Variants in CSMD1 observed in about 807,000 individuals in gnomAD.
CSMD1 encodes the protein CUB and sushi domain-containing protein 1.
A neutral mutation model predicts 417.5 loss-of-function variants in CSMD1; 213 were observed. The ratio of observed to expected loss-of-function variants is 0.51; its 90% confidence interval spans 0.46 to 0.57. The LOEUF is 0.57. Among genes scored for constraint, CSMD1 ranks in the 20% least tolerant of loss-of-function variants. CSMD1 has a pLI of 0.00. For synonymous variants in CSMD1, 2,862 were observed against 1,736.8 expected (o/e 1.65, Z -16.11); for missense variants, 6,923 against 4,529.7 (o/e 1.53, Z -15.17).
intron 1 of CSMD1, among the ~76,000 whole-genome samples, chr8:4,895,131 CATTTG>C (rs1288247138): frequency 6.6e-6 from 1 of 152,168 alleles, no homozygotes; most frequent in Non-Finnish European, 1.5e-5. Context: ...CTCAAAAATA[CATTTG>C]ATTTACATTC....
chr8:4,157,538 C>G (rs561200149), intron 3 of CSMD1, among the ~76,000 whole-genome samples: 140 of 152,294 alleles, frequency 9.2e-4, no homozygotes, highest in Non-Finnish European at 5.7e-4. Context: ...CTAGCTACCT[C>G]TAGTCAATGA....
intron 2 of CSMD1, among the ~76,000 whole-genome samples, chr8:4,423,909 T>G (rs986738260): frequency 1.3e-4 from 19 of 151,910 alleles, no homozygotes; most frequent in African/African-American, 4.1e-4. Context: ...AACCCAAAAA[T>G]AAACCTGAAC....
At chr8:3,509,608 A>G (rs1327458616) in intron 10 of CSMD1, among the ~76,000 whole-genome samples, 2 of 152,244 alleles carry the variant, frequency 1.3e-5, no homozygotes, top group Non-Finnish European at 2.9e-5. Flanking sequence ...TCTAGTGGAT[A>G]TAACAGATCT....
At chr8:3,617,050 A>T (rs1161055743) in intron 7 of CSMD1, among the ~76,000 whole-genome samples, 1 of 152,182 alleles carries the variant, frequency 6.6e-6, no homozygotes, top group Admixed American at 6.5e-5. Context: ...GTCAAAATTT[A>T]ATAAAAAATC....
intron 2 of CSMD1, among the ~76,000 whole-genome samples, chr8:4,496,859 A>G (rs1354347245): frequency 3.9e-5 from 6 of 152,290 alleles, no homozygotes; most frequent in South Asian, 2.1e-4. Flanking sequence ...AAGGTTTACA[A>G]TATCAGGACA....
chr8:3,561,870 G>T (rs1347851709), intron 10 of CSMD1, among the ~76,000 whole-genome samples: 1 of 152,192 alleles, frequency 6.6e-6, no homozygotes, highest in Admixed American at 6.5e-5. Context: ...GGAAGGCAGG[G>T]GCTAGCATTC....
At chr8:4,180,476 T>A (rs988233770) in intron 3 of CSMD1, among the ~76,000 whole-genome samples, 1 of 150,778 alleles carries the variant, frequency 6.6e-6, no homozygotes. Flanking sequence ...TGCCTAATGC[T>A]AAATGACGAG....
chr8:3,279,697 C>T (rs1343706131), intron 26 of CSMD1, among the ~76,000 whole-genome samples: 1 of 152,024 alleles, frequency 6.6e-6, no homozygotes, highest in African/African-American at 2.4e-5. Flanking sequence ...GCTGGGGAGG[C>T]CTCAGGAAAC....
At chr8:3,766,173 G>A (rs920685557) in intron 5 of CSMD1, among the ~76,000 whole-genome samples, 5 of 152,182 alleles carry the variant, frequency 3.3e-5, no homozygotes, top group African/African-American at 9.7e-5. Context: ...TGGGCCTCCT[G>A]TCCACGGAAG....
intron 1 of CSMD1, among the ~76,000 whole-genome samples, chr8:4,856,582 C>A (rs1251507013): frequency 3.5e-5 from 5 of 141,562 alleles, no homozygotes; most frequent in Non-Finnish European, 4.6e-5. Context: ...TCTACCAAGC[C>A]AATGGAAAAC....
intron 3 of CSMD1, among the ~76,000 whole-genome samples, chr8:4,037,021 G>A (rs1008566580): frequency 1.3e-5 from 2 of 151,160 alleles, no homozygotes; most frequent in Admixed American, 6.6e-5. Context: ...AGTGTGTCCT[G>A]TCCAGGGCTG....
At chr8:4,683,903 T>G (rs1806206557) in intron 1 of CSMD1, among the ~76,000 whole-genome samples, 1 of 152,200 alleles carries the variant, frequency 6.6e-6, no homozygotes, top group Non-Finnish European at 1.5e-5. Flanking sequence ...AAAGGACTAA[T>G]TAGATATGTG....
chr8:3,605,645 T>G (rs1253503660), intron 8 of CSMD1, among the ~76,000 whole-genome samples: 1 of 152,102 alleles, frequency 6.6e-6, no homozygotes, highest in African/African-American at 2.4e-5. Flanking sequence ...AAAGCATATT[T>G]CAAAATAGAA....
At chr8:4,574,946 T>A (rs911755017) in intron 2 of CSMD1, among the ~76,000 whole-genome samples, 3 of 152,238 alleles carry the variant, frequency 2.0e-5, no homozygotes, top group Admixed American at 6.5e-5. Context: ...GATCAAGAAC[T>A]ATTCCTAATG....
rs1194297821 is a variant in CSMD1 at position 4,834,956 on chromosome 8, CAAAAAAAAAA to C, written c.85+159366_85+159375del. Among the ~76,000 whole-genome samples the C allele has an allele frequency of 4.5e-3, 89 of 19,832 alleles. 1 individual carries two copies. Among genetic ancestry groups the C allele is most frequent in the Middle Eastern group, 0.071 (1 of 14 alleles). 13.0% of individuals were successfully genotyped at this position (19,832 alleles called of 152,430 possible). A position where few individuals can be genotyped will look rare whatever the true frequency, so the allele number is the denominator to read the frequency against. ...TGGGCGACAGGGCCAGACTCCATCT[CAAAAAAAAAA>C]AAAAAAAAAAAAAAGAAAGAAAGAA... On this transcript the variant is annotated intron_variant, in intron 1 of 69. Transcript: ENST00000635120.
intron 1 of CSMD1, among the ~76,000 whole-genome samples, chr8:4,838,518 G>T (rs1360660669): frequency 6.6e-6 from 1 of 152,340 alleles, no homozygotes; most frequent in Non-Finnish European, 1.5e-5. Context: ...TTCCCTTGAT[G>T]GGGCAAAGCA....
At chr8:3,339,084 T>C (rs1807471915) in intron 23 of CSMD1, among the ~76,000 whole-genome samples, 1 of 148,824 alleles carries the variant, frequency 6.7e-6, no homozygotes, top group African/African-American at 2.5e-5. Context: ...GAATATGCGG[T>C]GTTTGGTTGT....
chr8:4,645,444 C>CAAAAAAAAAAAAAAAAAAAAA (rs549511320), intron 1 of CSMD1, among the ~76,000 whole-genome samples: 2 of 36,850 alleles, frequency 5.4e-5, no homozygotes, highest in Non-Finnish European at 9.3e-5. Context: ...AGTGCAGGGG[C>CAAAAAAAAAAAAAAAAAAAAA]AAAAAAAAAA....
At chr8:4,058,235 G>C (rs1328313705) in intron 3 of CSMD1, among the ~76,000 whole-genome samples, 2 of 151,982 alleles carry the variant, frequency 1.3e-5, no homozygotes, top group Non-Finnish European at 2.9e-5. Flanking sequence ...AGTTCTCCTT[G>C]AAGAGGTCCT....
Sources: gnomAD v4.1 joint callset for allele counts (sites outside exome capture counted in the v4.1 genomes callset) on GRCh38, gnomAD v4.1.1 for gene constraint, MANE v1.5 for transcripts, NCBI Gene and HGNC (gene_info 2026-07-23, HGNC 2026-07-21) for gene names.